The following GABRB3 variants were observed in gnomAD, a reference collection of about 807,000 sequenced individuals.
The protein encoded by GABRB3 is gamma-aminobutyric acid type A receptor subunit beta3.
GABRB3 carries 14 observed loss-of-function variants against 52.1 expected under a neutral mutation model. The observed-to-expected ratio is 0.27, with a 90% CI of 0.18 to 0.42. The LOEUF (loss-of-function observed/expected upper bound fraction) is 0.42, where lower values mean the gene tolerates loss of function less well. GABRB3 is among the 10% of genes least tolerant of loss of function. GABRB3 has a pLI of 1.00. For synonymous variants in GABRB3, 260 were observed against 232.3 expected (o/e 1.12, Z -1.08); for missense variants, 307 against 609.1 (o/e 0.50, Z 5.22).
rs56386894 is a variant in GABRB3, at chr15:26,586,397, A to AACACACACACACACACACACACACAC, written c.462-3009_462-2984dup. ...CTTATTCACTTTTCAAACCACCCCT[A>AACACACACACACACACACACACACAC]ACACACACACACACACACACACACA... On this transcript the variant is annotated intron_variant, in intron 4 of 8. Transcript: ENST00000311550. 4.5e-4 allele frequency among the ~76,000 whole-genome samples: 62 copies of AACACACACACACACACACACACACAC among 138,080 alleles called. 1 individual carries two copies. The highest frequency in any genetic ancestry group is 1.2e-3 in the Admixed American group (16 of 13,560). 90.6% of individuals were successfully genotyped at this position (138,080 alleles called of 152,430 possible).
chr15:26,681,530 CCTT>C (rs1888240147), intron 3 of GABRB3, among the ~76,000 whole-genome samples: 2 of 152,088 alleles, frequency 1.3e-5, no homozygotes, highest in African/African-American at 4.8e-5. Flanking sequence ...GGATTCCTGT[CCTT>C]CTCGATGTTT....
Position 26,548,062 on chromosome 15 carries a change from T to C in GABRB3, c.1153A>G (p.Ile385Val), listed in dbSNP as rs1352939866. The C allele has an allele frequency of 3.1e-6, 5 of 1,614,090 alleles. No individual in the cohort carries two copies. The African/African-American group carries it at 4.0e-5, about 13-fold the overall frequency. The part of the protein sequence containing the change: ...HNEMNEVSGG[I>V]GDTRNSAISF... ...ATTGCTGAATTCCTGGTATCGCCAATGCCGCCTGAGACCTCATTCATTTCA... is the reference window on the plus strand; with the variant it reads ...ATTGCTGAATTCCTGGTATCGCCAACGCCGCCTGAGACCTCATTCATTTCA... The change falls in exon 9 of 9, where the codon ATT becomes GTT. Residue 385 changes from isoleucine (I) to valine (V), a missense_variant. Ile to Val is a conservative substitution (Grantham distance 29). This residue lies in a region of GABRB3 where 115 missense variants were observed against 166.9 expected (regional missense o/e 0.69). Coordinates refer to ENST00000311550, the MANE Select transcript of GABRB3 (RefSeq NM_000814.6).
rs1338189188 is a variant in GABRB3 at position 26,546,361 on chromosome 15, G to T, written c.*1432C>A. On this transcript the variant is annotated 3_prime_UTR_variant, in exon 9 of 9. Coordinates refer to ENST00000311550, the MANE Select transcript of GABRB3 (RefSeq NM_000814.6). ...AATAGTAAGTTAAGGTTGCGTCTAT[G>T]AAACCGGTGCACCTTGTCTTGTTTC... 1 of 152,122 alleles carries T rather than the reference G, an allele frequency of 6.6e-6. No individual in the cohort carries two copies. The highest frequency in any genetic ancestry group is 1.5e-5 in the Non-Finnish European group (1 of 67,954). 9.4% of individuals were successfully genotyped at this position (152,122 alleles called of 1,614,324 possible).
rs530356859 is a variant in GABRB3 at position 26,724,209 on chromosome 15, A to G, written c.240+48193T>C. On this transcript the variant is annotated intron_variant, in intron 3 of 8. Coordinates refer to ENST00000311550, the MANE Select transcript of GABRB3 (RefSeq NM_000814.6). ...TTCTGAAACTCTTCTTTTCTCCTCCATGTCACATAAATCTAACAGTATCAG... is the reference window on the plus strand; with the variant it reads ...TTCTGAAACTCTTCTTTTCTCCTCCGTGTCACATAAATCTAACAGTATCAG... Among the ~76,000 whole-genome samples the G allele has an allele frequency of 3.9e-5, 6 of 152,200 alleles. No homozygotes were observed. In the South Asian group the frequency reaches 1.2e-3, roughly 32 times the overall value.
chr15:26,766,074 T>C (rs762757895), intron 3 of GABRB3, among the ~76,000 whole-genome samples: 2 of 152,238 alleles, frequency 1.3e-5, no homozygotes, highest in African/African-American at 4.8e-5. Context: ...AAATGTGACA[T>C]AATACCTGAA....
chr15:26,761,872 T>C (rs1829888301), intron 3 of GABRB3, among the ~76,000 whole-genome samples: 1 of 152,202 alleles, frequency 6.6e-6, no homozygotes, highest in Admixed American at 6.5e-5. Flanking sequence ...TTTCTCTCTG[T>C]CGCCCAGGCT....
chr15:26,698,409 C>A (rs2140676105), intron 3 of GABRB3, among the ~76,000 whole-genome samples: 1 of 152,180 alleles, frequency 6.6e-6, no homozygotes, highest in Non-Finnish European at 1.5e-5. Flanking sequence ...TATTAGAATT[C>A]AATGGATCAT....
chr15:26,772,155 C>G, intron 3 of GABRB3: 3 of 420,132 alleles, frequency 7.1e-6, no homozygotes, highest in Non-Finnish European at 1.2e-5. Context: ...AGCACTAGGC[C>G]GGCCAGGACT....
chr15:26,684,972 G>A (rs1373949206), intron 3 of GABRB3, among the ~76,000 whole-genome samples: 3 of 152,208 alleles, frequency 2.0e-5, no homozygotes, highest in East Asian at 1.9e-4. Context: ...AGACTTGCTC[G>A]ACGCAGGGTT....
At chr15:26,715,121 T>G (rs973943325) in intron 3 of GABRB3, among the ~76,000 whole-genome samples, 1 of 152,256 alleles carries the variant, frequency 6.6e-6, no homozygotes, top group South Asian at 2.1e-4. Flanking sequence ...TGGGGGGGTC[T>G]GAGCTTGAAG....
rs376688027 is a variant in GABRB3 at position 26,742,302 on chromosome 15, C to T, written c.240+30100G>A. On this transcript the variant is annotated intron_variant, in intron 3 of 8. Transcript: ENST00000311550. ...ACTGCACTGGATCTTTACCCTTTGGCGTGAATATTGTCCCATCCATTCTTT... is the reference window on the plus strand; with the variant it reads ...ACTGCACTGGATCTTTACCCTTTGGTGTGAATATTGTCCCATCCATTCTTT... Among the ~76,000 whole-genome samples the T allele has an allele frequency of 1.3e-4, 20 of 151,296 alleles. No homozygotes were observed. In the East Asian group the frequency reaches 1.8e-3, roughly 13 times the overall value.
intron 5 of GABRB3, chr15:26,580,659 T>C: frequency 2.7e-6 from 2 of 728,976 alleles, no homozygotes; most frequent in Non-Finnish European, 4.6e-6. Flanking sequence ...TGTACCAGGT[T>C]GGTACTGAAA....
chr15:26,697,486 G>A (rs1357008553), intron 3 of GABRB3, among the ~76,000 whole-genome samples: 3 of 152,030 alleles, frequency 2.0e-5, no homozygotes, highest in Non-Finnish European at 4.4e-5. Context: ...GCTGAGAGTG[G>A]CCTGTCTCCT....
At chr15:26,736,908 G>A (rs769004446) in intron 3 of GABRB3, among the ~76,000 whole-genome samples, 6 of 152,194 alleles carry the variant, frequency 3.9e-5, no homozygotes, top group Admixed American at 2.6e-4. Flanking sequence ...AAAAGTCACC[G>A]GCACTTCCCA....
At chr15:26,767,641 G>T (rs1891035116) in intron 3 of GABRB3, among the ~76,000 whole-genome samples, 1 of 152,118 alleles carries the variant, frequency 6.6e-6, no homozygotes, top group Admixed American at 6.5e-5. Context: ...ATGGACCCCT[G>T]GGATTCAGCT....
At chr15:26,626,060 A>AC (rs1273356118) in intron 3 of GABRB3, among the ~76,000 whole-genome samples, 42 of 152,316 alleles carry the variant, frequency 2.8e-4, no homozygotes, top group African/African-American at 7.9e-4. Flanking sequence ...TTCCAACAGC[A>AC]TATGCTCACT....
intron 3 of GABRB3, among the ~76,000 whole-genome samples, chr15:26,633,440 C>G (rs1892961382): frequency 6.6e-6 from 1 of 152,096 alleles, no homozygotes; most frequent in African/African-American, 2.4e-5. Flanking sequence ...AATGCCCAAC[C>G]TGTTATTACG....
At chr15:26,766,480 T>A (rs1355152827) in intron 3 of GABRB3, among the ~76,000 whole-genome samples, 1 of 152,178 alleles carries the variant, frequency 6.6e-6, no homozygotes, top group Non-Finnish European at 1.5e-5. Context: ...TGCATTTCAT[T>A]AAAAGAACAC....
chr15:26,743,699 G>A (rs1374515349), intron 3 of GABRB3, among the ~76,000 whole-genome samples: 1 of 152,062 alleles, frequency 6.6e-6, no homozygotes, highest in Non-Finnish European at 1.5e-5. Flanking sequence ...AATAGGAAAA[G>A]GCCATTTTCT....
Sources: gnomAD v4.1 joint callset for allele counts (sites outside exome capture counted in the v4.1 genomes callset) on GRCh38, gnomAD v4.1.1 for gene constraint, gnomAD v4.1.1 regional missense constraint, MANE v1.5 for transcripts, NCBI Gene and HGNC (gene_info 2026-07-23, HGNC 2026-07-21) for gene names.